Variants in ZNF609 observed in about 807,000 individuals in gnomAD.
ZNF609 encodes zinc finger protein 609.
In ZNF609, 11 loss-of-function variants were observed where a neutral mutation model predicts 109.5. The ratio of observed to expected loss-of-function variants is 0.10; its 90% CI spans 0.06 to 0.17. The LOEUF is 0.17. Ranked by LOEUF, ZNF609 falls within the 10% of genes least tolerant of loss-of-function variation. The pLI is 1.00. For missense variants in ZNF609, 1,559 were observed against 1,772.4 expected (o/e 0.88, Z 2.16); for synonymous variants, 646 against 662.0 (o/e 0.98, Z 0.37).
At chr15:64,517,840 C>T (rs1004725921) in intron 2 of ZNF609, among the ~76,000 whole-genome samples, 4 of 151,958 alleles carry the variant, frequency 2.6e-5, no homozygotes. Context: ...AGTACAGTGG[C>T]ACAATCTTGG....
At position 64,597,973 on chromosome 15, in the gene ZNF609, A is replaced by T. The variant is rs555172185; in HGVS notation, c.748-24854A>T. ...TCCTTCCTTTTCTTTCAAAATAAAAAGAGCATTTTAAACTAGAAAAATAAA... is the reference window on the plus strand; with the variant it reads ...TCCTTCCTTTTCTTTCAAAATAAAATGAGCATTTTAAACTAGAAAAATAAA... On this transcript the variant is annotated intron_variant, in intron 2 of 9. Coordinates refer to ENST00000326648, the MANE Select transcript of ZNF609 (RefSeq NM_015042.2). Among the ~76,000 whole-genome samples the T allele has an allele frequency of 1.1e-4, 16 of 152,292 alleles. No individual in the cohort carries two copies. In the South Asian group the frequency reaches 2.7e-3, roughly 26 times the overall value.
At chr15:64,527,222 C>G (rs1893979651) in intron 2 of ZNF609, among the ~76,000 whole-genome samples, 1 of 149,346 alleles carries the variant, frequency 6.7e-6, no homozygotes. Flanking sequence ...TCTAGTTTGC[C>G]AGGTATTTTG....
intron 3 of ZNF609, chr15:64,654,230 T>C (rs1333479196): frequency 6.6e-6 from 1 of 152,014 alleles, no homozygotes; most frequent in Non-Finnish European, 1.5e-5. Context: ...GGAGATGGTG[T>C]TTCTCCATGT....
chr15:64,669,469 G>A (rs1056666392), intron 3 of ZNF609, among the ~76,000 whole-genome samples: 8 of 152,174 alleles, frequency 5.3e-5, no homozygotes, highest in African/African-American at 1.9e-4. Context: ...GAACATATTT[G>A]CATATATACA....
chr15:64,675,971 G>A lies in ZNF609; in HGVS notation c.3117G>A (p.Glu1039=), dbSNP rs1476865311. The A allele has an allele frequency of 5.0e-6, 8 of 1,614,230 alleles. No individual in the cohort carries two copies. The highest frequency in any genetic ancestry group is 6.8e-6 in the Non-Finnish European group (8 of 1,180,054). ...LKEREAALKE[E]WKQKPSIPPT... Reference sequence around the variant, plus strand: ...AGCGGGAGGCAGCACTCAAGGAAGAGTGGAAGCAAAAGCCGTCAATTCCAC... The same window carrying A: ...AGCGGGAGGCAGCACTCAAGGAAGAATGGAAGCAAAAGCCGTCAATTCCAC... Residue 1039 remains glutamate (E), a synonymous_variant, in exon 5 of 10, where the codon GAG becomes GAA. Coordinates refer to ENST00000326648, the MANE Select transcript of ZNF609 (RefSeq NM_015042.2).
At chr15:64,517,672 C>A (rs1336346618) in intron 2 of ZNF609, among the ~76,000 whole-genome samples, 1 of 151,718 alleles carries the variant, frequency 6.6e-6, no homozygotes, top group Non-Finnish European at 1.5e-5. Context: ...GAGTTCAAGT[C>A]CAGCTGGGAC....
chr15:64,465,102 T>G (rs1892995771), intron 1 of ZNF609, among the ~76,000 whole-genome samples: 1 of 152,166 alleles, frequency 6.6e-6, no homozygotes, highest in African/African-American at 2.4e-5. Flanking sequence ...GCTTTGTGCA[T>G]GGGAGGGAAA....
At chr15:64,563,946 C>T (rs1401406597) in intron 2 of ZNF609, among the ~76,000 whole-genome samples, 7 of 152,018 alleles carry the variant, frequency 4.6e-5, no homozygotes, top group African/African-American at 9.7e-5. Context: ...CGCAGTGACA[C>T]GATCTCTGCT....
intron 3 of ZNF609, among the ~76,000 whole-genome samples, chr15:64,651,460 C>CT (rs1896414065): frequency 6.6e-6 from 1 of 152,174 alleles, no homozygotes; most frequent in African/African-American, 2.4e-5. Context: ...TCATTTTCAC[C>CT]TTTTCCTAAA....
chr15:64,630,044 TTC>T (rs1314730959), intron 3 of ZNF609, among the ~76,000 whole-genome samples: 1 of 152,042 alleles, frequency 6.6e-6, no homozygotes, highest in Non-Finnish European at 1.5e-5. Flanking sequence ...TTCTCTTTCC[TTC>T]TCTGTTTCTC....
intron 1 of ZNF609, among the ~76,000 whole-genome samples, chr15:64,494,668 G>A (rs1413985821): frequency 1.3e-5 from 2 of 152,040 alleles, no homozygotes; most frequent in Non-Finnish European, 2.9e-5. Context: ...GGGATTACAG[G>A]CTCCCGCTAC....
chr15:64,466,912 C>G (rs1566991346), intron 1 of ZNF609, among the ~76,000 whole-genome samples: 1 of 152,100 alleles, frequency 6.6e-6, no homozygotes, highest in African/African-American at 2.4e-5. Context: ...TCCTCCACCT[C>G]CTTCTCTCTC....
At chr15:64,492,107 G>C (rs1425677750) in intron 1 of ZNF609, among the ~76,000 whole-genome samples, 1 of 151,548 alleles carries the variant, frequency 6.6e-6, no homozygotes, top group Admixed American at 6.6e-5. Context: ...GCCAGGAGTG[G>C]TGGCACATGC....
At chr15:64,579,427 A>T (rs1441087877) in intron 2 of ZNF609, among the ~76,000 whole-genome samples, 1 of 151,508 alleles carries the variant, frequency 6.6e-6, no homozygotes, top group Non-Finnish European at 1.5e-5. Flanking sequence ...AAAAAAAAAA[A>T]AGTAGCCAGA....
intron 5 of ZNF609, among the ~76,000 whole-genome samples, chr15:64,677,039 A>C (rs1477544521): frequency 6.6e-6 from 1 of 151,958 alleles, no homozygotes; most frequent in Non-Finnish European, 1.5e-5. Flanking sequence ...GGCGTGAGCC[A>C]CTGCGCCCAG....
At chr15:64,553,363 C>T (rs994732921) in intron 2 of ZNF609, among the ~76,000 whole-genome samples, 1 of 151,344 alleles carries the variant, frequency 6.6e-6, no homozygotes. Context: ...CAATATTGCC[C>T]TCCAATCTAT....
At chr15:64,630,114 T>TTTTTA (rs1437120957) in intron 3 of ZNF609, among the ~76,000 whole-genome samples, 1 of 150,906 alleles carries the variant, frequency 6.6e-6, no homozygotes, top group African/African-American at 2.4e-5. Flanking sequence ...TTTTTTTTTT[T>TTTTTA]TGAGACAAAG....
At chr15:64,467,085 A>T (rs1463377614) in intron 1 of ZNF609, among the ~76,000 whole-genome samples, 1 of 152,186 alleles carries the variant, frequency 6.6e-6, no homozygotes, top group Admixed American at 6.6e-5. Flanking sequence ...TTGTTCTTGG[A>T]TCAGAGTCCC....
At position 64,674,270 on chromosome 15, in the gene ZNF609, T is replaced by A. The variant is rs758017766; in HGVS notation, c.1416T>A (p.Thr472=). The part of the protein sequence containing the change: ...RVRTNSMGSA[T]GPLPGTKVEP... Reference sequence around the variant, plus strand: ...GTACTAATTCCATGGGCTCAGCCACTGGCCCCCTTCCTGGGACAAAGGTAG... The same window carrying A: ...GTACTAATTCCATGGGCTCAGCCACAGGCCCCCTTCCTGGGACAAAGGTAG... The change falls in exon 5 of 10, where the codon ACT becomes ACA. Residue 472 remains threonine, a synonymous_variant. Coordinates refer to ENST00000326648, the MANE Select transcript of ZNF609 (RefSeq NM_015042.2). The A allele has an allele frequency of 2.5e-6, 4 of 1,614,184 alleles. No individual in the cohort carries two copies. The East Asian group carries it at 8.9e-5, about 36-fold the overall frequency.
Sources: allele counts gnomAD v4.1 joint callset (sites outside exome capture counted in the v4.1 genomes callset), GRCh38; gene constraint gnomAD v4.1.1; transcripts MANE v1.5; gene names NCBI Gene and HGNC (gene_info 2026-07-23, HGNC 2026-07-21).